The following UBR4 variants were observed in gnomAD, a reference collection of about 807,000 sequenced individuals.
The protein encoded by UBR4 is E3 ubiquitin-protein ligase UBR4.
A neutral mutation model predicts 575.6 loss-of-function variants in UBR4; 124 were observed. The ratio of observed to expected loss-of-function variants is 0.22; its 90% CI spans 0.19 to 0.25. The LOEUF (loss-of-function observed/expected upper bound fraction) is 0.25. Ranked by LOEUF, UBR4 falls within the 10% of genes least tolerant of loss-of-function variation. UBR4 has a pLI of 1.00. For synonymous variants in UBR4, 2,455 were observed against 2,473.7 expected (o/e 0.99, Z 0.22); for missense variants, 4,818 against 6,478.8 (o/e 0.74, Z 8.80).
At chr1:19,144,223 C>T (rs1189444751) in intron 54 of UBR4, 132 bp from the exon 55 acceptor site, 14 of 724,310 alleles carry the variant, frequency 1.9e-5, no homozygotes, top group Admixed American at 4.6e-5. Context: ...TGCAACCCAG[C>T]GGACCAAGTT....
chr1:19,175,940 C>A (rs916509138), intron 20 of UBR4, among the ~76,000 whole-genome samples: 1 of 152,024 alleles, frequency 6.6e-6, no homozygotes, highest in Non-Finnish European at 1.5e-5. Context: ...ACCACAGGCA[C>A]GTGCCACCAT....
chr1:19,126,510 A>C lies in UBR4; in HGVS notation c.9374T>G (p.Leu3125Arg). Residue 3125 changes from leucine (L) to arginine (R), a missense_variant, in exon 64 of 106, where the codon CTG becomes CGG. Transcript: ENST00000375254. ...TGGGGAGGAGGTAGTATGTGGTTTC[A>C]GCAACTGGCTGGTAGCCACAGGCTC... ...DEEPVATSQL[L>R]KPHTTSSPPD... 1 of 1,614,198 alleles carries C rather than the reference A, an allele frequency of 6.2e-7. No individual in the cohort carries two copies. Among genetic ancestry groups the C allele is most frequent in the Non-Finnish European group, 8.5e-7 (1 of 1,180,024 alleles).
chr1:19,162,042 T>C lies in UBR4; in HGVS notation c.4957-145A>G, dbSNP rs376837436. On this transcript the variant is annotated intron_variant, in intron 35 of 105. Transcript: ENST00000375254. ...GAAATCTACCACAACTGGAAATAGC[T>C]AGCTGGCTGAAAATCTGTTGTTACT... The C allele has an allele frequency of 2.5e-5, 24 of 945,574 alleles. No individual in the cohort carries two copies. In the East Asian group the frequency reaches 3.9e-4, roughly 16 times the overall value. The allele number at this position is 945,574 out of a possible 1,614,324, so 58.6% of individuals were successfully genotyped here.
intron 97 of UBR4, among the ~76,000 whole-genome samples, chr1:19,092,165 G>A (rs376069607): frequency 2.0e-5 from 3 of 152,228 alleles, no homozygotes; most frequent in East Asian, 1.9e-4. Context: ...TGATGAACCT[G>A]CCCTGCGTCC....
intron 60 of UBR4, among the ~76,000 whole-genome samples, chr1:19,130,626 A>G (rs2082312873): frequency 6.6e-6 from 1 of 152,230 alleles, no homozygotes; most frequent in Admixed American, 6.5e-5. Flanking sequence ...AATACCACGC[A>G]TGTGTCTGTT....
At position 19,153,634 on chromosome 1, in the gene UBR4, G is replaced by C. The variant is rs1001865161; in HGVS notation, c.6631-132C>G. The stretch of plus-strand genomic sequence containing the variant: ...TGTACAGAAGGGTGGCAAAGAAAAG[G>C]CATCTAGAAGAAAAAGGACTGAAAA... On this transcript the variant is annotated intron_variant, in intron 45 of 105. Transcript: ENST00000375254. The surrounding 1 kb of genome is among the most constrained non-coding windows in gnomAD (Gnocchi z 4.1). 7.5e-5 allele frequency: 110 copies of C among 1,457,138 alleles called. 1 individual carries two copies. Among genetic ancestry groups the C allele is most frequent in the Non-Finnish European group, 1.0e-4 (108 of 1,072,434 alleles). 90.3% of individuals were successfully genotyped at this position (1,457,138 alleles called of 1,614,324 possible). A position where few individuals can be genotyped will look rare whatever the true frequency, so the allele number is the denominator to read the frequency against.
At chr1:19,155,142 C>A in intron 43 of UBR4, 67 bp from the exon 44 acceptor site, 1 of 1,594,140 alleles carries the variant, frequency 6.3e-7, no homozygotes, top group South Asian at 1.1e-5. Flanking sequence ...CCGGTTTATA[C>A]TGGTTATTAT....
chr1:19,172,872 C>T lies in UBR4; in HGVS notation c.3513G>A (p.Ser1171=), dbSNP rs150929176. ...ATLQLIDTYA[S]FTRAYLLQNF... The stretch of plus-strand genomic sequence containing the variant: ...CAGGCAGTTCGCCACACCTGGTGAA[C>T]GATGCATAGGTGTCAATGAGTTGCA... The change falls in exon 25 of 106, where the codon TCG becomes TCA. Residue 1171 remains serine (S), a synonymous_variant. Coordinates refer to ENST00000375254, the MANE Select transcript of UBR4 (RefSeq NM_020765.3). 6.8e-5 allele frequency: 110 copies of T among 1,613,988 alleles called. No homozygotes were observed. In the Middle Eastern group the frequency reaches 1.3e-3, roughly 19 times the overall value.
chr1:19,086,968 G>A (rs1359575539), intron 99 of UBR4, 147 bp from the exon 100 acceptor site: 3 of 1,145,086 alleles, frequency 2.6e-6, no homozygotes, highest in Non-Finnish European at 3.6e-6. Context: ...GAGCAGGTAA[G>A]GCCAGCCCCT....
intron 8 of UBR4, among the ~76,000 whole-genome samples, chr1:19,195,043 G>A (rs867614027): frequency 1.1e-4 from 16 of 151,444 alleles, no homozygotes; most frequent in Admixed American, 4.0e-4. Context: ...GGCGGATCAC[G>A]AGGTCAGGAG....
Position 19,093,231 on chromosome 1 carries a change from T to C in UBR4, c.14111+82A>G. On this transcript the variant is annotated intron_variant, in intron 96 of 105. Transcript: ENST00000375254. The surrounding 1 kb of genome is among the most constrained non-coding windows in gnomAD (Gnocchi z 4.8). ...GGAGGGCAAGGGGCACACGTGAAGC[T>C]TTATGCCAAGATGCTGATGGAGAAG... The C allele has an allele frequency of 6.5e-7, 1 of 1,539,506 alleles. No individual in the cohort carries two copies. The highest frequency in any genetic ancestry group is 8.8e-7 in the Non-Finnish European group (1 of 1,134,708).
intron 64 of UBR4, among the ~76,000 whole-genome samples, chr1:19,125,333 TA>T (rs1311510689): frequency 1.3e-5 from 2 of 152,174 alleles, no homozygotes; most frequent in Non-Finnish European, 2.9e-5. Context: ...ACTGGAGTTG[TA>T]AACAGGAATA....
intron 22 of UBR4, 111 bp downstream of exon 22, chr1:19,174,208 T>C: frequency 1.4e-6 from 2 of 1,380,550 alleles, no homozygotes; most frequent in African/African-American, 1.5e-5. Flanking sequence ...TATCAGTCAG[T>C]TTTGCAAATC....
At chr1:19,101,788 T>C (rs1352336782) in intron 87 of UBR4, 147 bp from the exon 88 acceptor site, 8 of 1,311,220 alleles carry the variant, frequency 6.1e-6, no homozygotes, top group African/African-American at 1.5e-5. Context: ...ATAGTTCAAA[T>C]TGGAAATTTG....
At position 19,106,914 on chromosome 1, in the gene UBR4, T is replaced by C; in HGVS notation, c.12158A>G (p.His4053Arg). Residue 4053 changes from histidine to arginine, a missense_variant, in exon 82 of 106, where the codon CAT becomes CGT. By Grantham distance (29) the His-to-Arg change is conservative. Transcript: ENST00000375254. ...CTTGAGCCACAGTTGAGCCTGGGCA[T>C]GGATCTCATTGCAGTATGGCTTCAC... ...TTVKPYCNEI[H>R]AQAQLWLKRD... is the part of the protein sequence containing the mutation. 4 of 1,613,158 alleles carry C rather than the reference T, an allele frequency of 2.5e-6. No individual in the cohort carries two copies. The highest frequency in any genetic ancestry group is 2.5e-6 in the Non-Finnish European group (3 of 1,179,970).
chr1:19,105,332 A>C, intron 84 of UBR4, 143 bp from the exon 85 acceptor site: 1 of 996,728 alleles, frequency 1.0e-6, no homozygotes, highest in East Asian at 2.6e-5. Context: ...ACAGCATCCA[A>C]GACAGCTCCA....
At chr1:19,128,073 G>T in intron 62 of UBR4, 138 bp downstream of exon 62, 1 of 842,426 alleles carries the variant, frequency 1.2e-6, no homozygotes, top group Non-Finnish European at 1.9e-6. Context: ...ATACGCTTTT[G>T]TTGACTCAAC....
rs374606165 is a variant in UBR4, at chr1:19,152,487, C to T, written c.6833-11G>A. On this transcript the variant is annotated splice_polypyrimidine_tract_variant and intron_variant, in intron 46 of 105. Transcript: ENST00000375254. The surrounding 1 kb of genome is among the most constrained non-coding windows in gnomAD (Gnocchi z 4.4). ...TAGACGTGCGGGTTGCTGCAGAGAACGGTACCAGATCGTCAAGAGTCTCTC... is the reference window on the plus strand; with the variant it reads ...TAGACGTGCGGGTTGCTGCAGAGAATGGTACCAGATCGTCAAGAGTCTCTC... 12 of 1,613,394 alleles carry T rather than the reference C, an allele frequency of 7.4e-6. No individual in the cohort carries two copies. The highest frequency in any genetic ancestry group is 5.3e-5 in the African/African-American group (4 of 74,902).
rs1557781893 is a variant in UBR4, at chr1:19,147,128, C to G, written c.7630-128G>C. The G allele has an allele frequency of 5.4e-6, 5 of 934,402 alleles. No individual in the cohort carries two copies. In the East Asian group the frequency reaches 8.0e-5, roughly 15 times the overall value. 57.9% of individuals were successfully genotyped at this position (934,402 alleles called of 1,614,324 possible). A position where few individuals can be genotyped will look rare whatever the true frequency, so the allele number is the denominator to read the frequency against. On this transcript the variant is annotated intron_variant, in intron 51 of 105. Coordinates refer to ENST00000375254, the MANE Select transcript of UBR4 (RefSeq NM_020765.3). ...CTCAAGAGAACAGGCCAATGAACAC[C>G]AATCACCTACAACAGATCTTCAAAG...
Sources: gnomAD v4.1 joint callset for allele counts (sites outside exome capture counted in the v4.1 genomes callset) on GRCh38, gnomAD v4.1.1 for gene constraint, Gnocchi (gnomAD v3.1) non-coding constraint, MANE v1.5 for transcripts, NCBI Gene and HGNC (gene_info 2026-07-23, HGNC 2026-07-21) for gene names.